The following PTPN21 variants were observed in gnomAD, a reference collection of about 807,000 sequenced individuals.
PTPN21 encodes the protein tyrosine-protein phosphatase non-receptor type 21.
A neutral mutation model predicts 131.8 loss-of-function variants in PTPN21; 77 were observed. The ratio of observed to expected loss-of-function variants is 0.58; its 90% CI spans 0.49 to 0.71. The LOEUF is 0.71. Among genes scored for constraint, PTPN21 ranks in the 30% least tolerant of loss-of-function variants. PTPN21 has a pLI of 0.00. For synonymous variants in PTPN21, 715 were observed against 621.3 expected, an observed-to-expected ratio of 1.15 and a Z score of -2.24; for missense variants, 1,552 against 1,527.1, an observed-to-expected ratio of 1.02 and a Z score of -0.27.
In PTPN21 at chr14:88,479,770, G is replaced by A. The variant is rs1411702735; in HGVS notation, c.1661C>T (p.Ser554Phe). 2 of 1,545,604 alleles carry A rather than the reference G, an allele frequency of 1.3e-6. No individual in the cohort carries two copies. Among genetic ancestry groups the A allele is most frequent in the Admixed American group, 1.8e-5 (1 of 54,374 alleles). ...CACCTGCGTCCGCATGATGTTGGGAGACGGGTAGTCCTGCGCCTGCAGCTG... is the reference window on the plus strand; with the variant it reads ...CACCTGCGTCCGCATGATGTTGGGAAACGGGTAGTCCTGCGCCTGCAGCTG... ...NAQLQAQDYP[S>F]PNIMRTQVYR... Residue 554 changes from serine to phenylalanine, a missense_variant, in exon 13 of 19, where the codon TCT (serine) becomes TTT (phenylalanine). Ser to Phe is a radical substitution (Grantham distance 155, BLOSUM62 -2). Transcript: ENST00000556564.
intron 8 of PTPN21, chr14:88,499,254 A>T (rs977643221): frequency 6.6e-6 from 1 of 152,228 alleles, no homozygotes; most frequent in Non-Finnish European, 1.5e-5. Flanking sequence ...TCCCCAAGTG[A>T]TGCGTACTCT....
intron 6 of PTPN21, among the ~76,000 whole-genome samples, chr14:88,503,517 G>A (rs1224952531): frequency 2.0e-5 from 3 of 152,142 alleles, no homozygotes; most frequent in Admixed American, 2.0e-4. Flanking sequence ...AATTCAGTAG[G>A]AACTGTACTT....
chr14:88,550,809 C>G (rs1392194203), intron 1 of PTPN21, among the ~76,000 whole-genome samples, 190 bp from the exon 2 acceptor site: 1 of 152,234 alleles, frequency 6.6e-6, no homozygotes, highest in Non-Finnish European at 1.5e-5. Context: ...CAGACTCCAC[C>G]CTTCACTGTA....
chr14:88,492,837 T>G, intron 10 of PTPN21: 1 of 270,628 alleles, frequency 3.7e-6, no homozygotes, highest in Non-Finnish European at 7.3e-6. Context: ...ACACTCCGGC[T>G]CCCATTGTTC....
chr14:88,493,101 G>GT, intron 10 of PTPN21: 1 of 456,594 alleles, frequency 2.2e-6, no homozygotes, highest in South Asian at 1.6e-5. Context: ...TTTCACTTCT[G>GT]TAAGTCTCCA....
intron 13 of PTPN21, 126 bp from the exon 14 acceptor site, chr14:88,473,928 A>G (rs1216443626): frequency 8.1e-6 from 6 of 744,882 alleles, no homozygotes; most frequent in East Asian, 5.6e-5. Context: ...AAACCCAGAA[A>G]GATTACACTC....
intron 14 of PTPN21, among the ~76,000 whole-genome samples, chr14:88,473,407 G>C (rs2077500144): frequency 6.6e-6 from 1 of 152,078 alleles, no homozygotes; most frequent in Admixed American, 6.6e-5. Flanking sequence ...AATCAAGACT[G>C]CTCCAAAAGG....
intron 15 of PTPN21, among the ~76,000 whole-genome samples, chr14:88,470,799 C>A (rs1488607491): frequency 6.6e-6 from 1 of 152,162 alleles, no homozygotes; most frequent in Non-Finnish European, 1.5e-5. Flanking sequence ...TGAATAAACA[C>A]TAGGGAGGAG....
At chr14:88,474,133 A>C (rs60944723) in intron 13 of PTPN21, among the ~76,000 whole-genome samples, 2 of 123,048 alleles carry the variant, frequency 1.6e-5, no homozygotes, top group African/African-American at 8.1e-5. Context: ...CTGAAGTCCA[A>C]AAAAAAAAAA....
At chr14:88,473,175 C>T (rs1014224502) in intron 14 of PTPN21, among the ~76,000 whole-genome samples, 1 of 151,998 alleles carries the variant, frequency 6.6e-6, no homozygotes, top group Non-Finnish European at 1.5e-5. Flanking sequence ...AGGAAATATT[C>T]GAAACTACCT....
rs1469608941 is a variant in PTPN21, at chr14:88,472,375, A to C, written c.2740T>G (p.Ser914Ala). The change falls in exon 15 of 19, where the codon TCA becomes GCA. Residue 914 changes from serine to alanine, a missense_variant. Physicochemically the swap from Ser to Ala is moderately conservative, Grantham distance 99 (BLOSUM62 1). Transcript: ENST00000556564. Reference protein sequence around the residue: ...LKKRLVDGECSTARLPENAER... With the variant: ...LKKRLVDGECATARLPENAER... ...GCATTTTCAGGGAGTCGTGCTGTTGAGCACTCCCCATCAACTAGCCGTTTC... is the reference window on the plus strand; with the variant it reads ...GCATTTTCAGGGAGTCGTGCTGTTGCGCACTCCCCATCAACTAGCCGTTTC... The C allele has an allele frequency of 6.2e-7, 1 of 1,613,662 alleles. No individual in the cohort carries two copies. The highest frequency in any genetic ancestry group is 8.5e-7 in the Non-Finnish European group (1 of 1,179,702).
chr14:88,479,239 C>G lies in PTPN21; in HGVS notation c.2192G>C (p.Arg731Pro). Residue 731 changes from arginine (R) to proline (P), a missense_variant, in exon 13 of 19, where the codon CGT (arginine) becomes CCT (proline). Coordinates refer to ENST00000556564, the MANE Select transcript of PTPN21 (RefSeq NM_007039.4). Reference sequence around the variant, plus strand: ...CAGGCCGGGCCGAGGCTCGCGCGCACGTGCAGGAGGCGCCCGGGCCCCGCT... The same window carrying G: ...CAGGCCGGGCCGAGGCTCGCGCGCAGGTGCAGGAGGCGCCCGGGCCCCGCT... Reference protein sequence around the residue: ...EESGARAPPARAREPRPGLAQ... With the variant: ...EESGARAPPAPAREPRPGLAQ... The G allele has an allele frequency of 6.2e-7, 1 of 1,609,100 alleles. No individual in the cohort carries two copies. The highest frequency in any genetic ancestry group is 8.5e-7 in the Non-Finnish European group (1 of 1,177,754).
intron 10 of PTPN21, chr14:88,493,002 G>A (rs1468709871): frequency 7.0e-6 from 3 of 430,238 alleles, no homozygotes; most frequent in South Asian, 1.7e-5. Flanking sequence ...AAAGCAGGCA[G>A]GAACTACTCT....
At chr14:88,472,924 GA>G (rs1461779960) in intron 14 of PTPN21, among the ~76,000 whole-genome samples, 1 of 152,162 alleles carries the variant, frequency 6.6e-6, no homozygotes. Context: ...AGAGTTAAAA[GA>G]ACAAAAGACA....
At chr14:88,549,426 C>T (rs1195286507) in intron 2 of PTPN21, among the ~76,000 whole-genome samples, 5 of 151,956 alleles carry the variant, frequency 3.3e-5, no homozygotes, top group African/African-American at 4.8e-5. Flanking sequence ...AAATAAGAAC[C>T]ATTAGTTCTT....
At position 88,466,350 on chromosome 14, in the gene PTPN21, T is replaced by C. The variant is rs2077363252; in HGVS notation, c.*1787A>G. 1 of 152,212 alleles carries C rather than the reference T, an allele frequency of 6.6e-6. No individual in the cohort carries two copies. Among genetic ancestry groups the C allele is most frequent in the African/African-American group, 2.4e-5 (1 of 41,446 alleles). The allele number at this position is 152,212 out of a possible 1,614,324, so 9.4% of individuals were successfully genotyped here. A position where few individuals can be genotyped will look rare whatever the true frequency, so the allele number is the denominator to read the frequency against. On this transcript the variant is annotated 3_prime_UTR_variant, in exon 19 of 19. Transcript: ENST00000556564. ...TCAATTAGTTTTCATTAATATCTTC[T>C]GAGTTTTCCTCTTAGGTGGTTGGTT...
intron 18 of PTPN21, 54 bp from the exon 19 acceptor site, chr14:88,468,319 A>T (rs1267864847): frequency 6.7e-7 from 1 of 1,488,546 alleles, no homozygotes; most frequent in Non-Finnish European, 9.1e-7. Context: ...GGAGACAGAA[A>T]GGATGGGAGG....
At chr14:88,500,165 A>G (rs1051422464) in intron 8 of PTPN21, among the ~76,000 whole-genome samples, 1 of 152,230 alleles carries the variant, frequency 6.6e-6, no homozygotes, top group Non-Finnish European at 1.5e-5. Flanking sequence ...GGCTGGGCAC[A>G]GTGGGCTCAC....
chr14:88,523,478 C>T (rs1366656722), intron 2 of PTPN21, among the ~76,000 whole-genome samples: 1 of 151,920 alleles, frequency 6.6e-6, no homozygotes, highest in Non-Finnish European at 1.5e-5. Flanking sequence ...TAGGAAAAAC[C>T]CACAGCTAAT....
Sources: allele counts gnomAD v4.1 joint callset (sites outside exome capture counted in the v4.1 genomes callset), GRCh38; gene constraint gnomAD v4.1.1; transcripts MANE v1.5; gene names NCBI Gene and HGNC (gene_info 2026-07-23, HGNC 2026-07-21).